Variants in CDR2 observed in about 807,000 individuals in gnomAD.
CDR2 encodes cerebellar degeneration-related protein 2.
CDR2 carries 34 observed loss-of-function variants against 48.4 expected under a neutral mutation model. The observed-to-expected ratio is 0.70, with a 90% CI of 0.53 to 0.94. The LOEUF is 0.94. CDR2 is among the 40% of genes least tolerant of loss of function. The pLI, the probability that CDR2 is intolerant of heterozygous loss-of-function variation, is 0.00. For synonymous variants in CDR2, 240 were observed against 219.7 expected, an observed-to-expected ratio of 1.09 and a Z score of -0.82; for missense variants, 498 against 549.5, an observed-to-expected ratio of 0.91 and a Z score of 0.94.
chr16:22,356,067 C>T (rs1454375887), intron 2 of CDR2, among the ~76,000 whole-genome samples: 1 of 152,196 alleles, frequency 6.6e-6, no homozygotes. Context: ...ACATTCATCA[C>T]TATTTGAAAT....
At position 22,347,150 on chromosome 16, in the gene CDR2, C is replaced by T. The variant is rs1402684969; in HGVS notation, c.1180G>A (p.Ala394Thr). The T allele has an allele frequency of 5.6e-6, 9 of 1,614,194 alleles. No individual in the cohort carries two copies. Among genetic ancestry groups the T allele is most frequent in the Non-Finnish European group, 7.6e-6 (9 of 1,179,988 alleles). The change falls in exon 5 of 5, where the codon GCC (alanine) becomes ACC (threonine). Residue 394 changes from alanine (A) to threonine (T), a missense_variant. Ala to Thr is a moderately conservative substitution (Grantham distance 58). Coordinates refer to ENST00000268383, the MANE Select transcript of CDR2 (RefSeq NM_001802.2). ...CCGCTGGCAACAGGCTCAGACTGGGCGTTCACTCCAGTCAGGTCCTTGGCT... is the reference window on the plus strand; with the variant it reads ...CCGCTGGCAACAGGCTCAGACTGGGTGTTCACTCCAGTCAGGTCCTTGGCT... Reference protein sequence around the residue: ...AAAKDLTGVNAQSEPVASGWE... With the variant: ...AAAKDLTGVNTQSEPVASGWE...
intron 2 of CDR2, among the ~76,000 whole-genome samples, chr16:22,358,008 C>T (rs191997929): frequency 1.4e-3 from 217 of 152,294 alleles, no homozygotes; most frequent in African/African-American, 4.7e-3. Flanking sequence ...CCCTTCACTT[C>T]TCCAAGATTC....
intron 1 of CDR2, among the ~76,000 whole-genome samples, chr16:22,370,778 T>C (rs1379786770): frequency 2.0e-5 from 3 of 152,218 alleles, no homozygotes; most frequent in Admixed American, 6.5e-5. Context: ...TTACTGAGGT[T>C]AGAAATTTCC....
At chr16:22,366,095 T>G (rs1010497886) in intron 1 of CDR2, among the ~76,000 whole-genome samples, 3 of 152,230 alleles carry the variant, frequency 2.0e-5, no homozygotes, top group Non-Finnish European at 4.4e-5. Context: ...AAATGAATGT[T>G]TTTGTTGCCA....
At chr16:22,370,780 G>C (rs1468275114) in intron 1 of CDR2, among the ~76,000 whole-genome samples, 1 of 152,184 alleles carries the variant, frequency 6.6e-6, no homozygotes, top group Non-Finnish European at 1.5e-5. Flanking sequence ...ACTGAGGTTA[G>C]AAATTTCCAG....
chr16:22,374,351 CCG>C lies in CDR2; in HGVS notation c.-44_-43del. The C allele has an allele frequency of 2.1e-6, 3 of 1,402,446 alleles. No homozygotes were observed. The highest frequency in any genetic ancestry group is 3.0e-6 in the Non-Finnish European group (3 of 1,007,614). 86.9% of individuals were successfully genotyped at this position (1,402,446 alleles called of 1,614,324 possible). A position where few individuals can be genotyped will look rare whatever the true frequency, so the allele number is the denominator to read the frequency against. On this transcript the variant is annotated 5_prime_UTR_variant, in exon 1 of 5. Coordinates refer to ENST00000268383, the MANE Select transcript of CDR2 (RefSeq NM_001802.2). ...AGGGGCAGCGGCCCCCGCCGCCGTC[CCG>C]CCTCAGCCGCTGCCCCGGGCTCTTC...
intron 1 of CDR2, among the ~76,000 whole-genome samples, chr16:22,373,843 G>A (rs1044578533): frequency 1.3e-5 from 2 of 152,232 alleles, no homozygotes; most frequent in African/African-American, 4.8e-5. Context: ...GAAAGGCGCT[G>A]GGCTAGACAG....
At chr16:22,364,145 G>A (rs552229362) in intron 2 of CDR2, among the ~76,000 whole-genome samples, 22 of 151,978 alleles carry the variant, frequency 1.4e-4, no homozygotes, top group East Asian at 5.8e-4. Flanking sequence ...GTTTTACCAC[G>A]TTGCCCAGGC....
intron 1 of CDR2, 36 bp downstream of exon 1, chr16:22,374,195 G>GGCC (rs759874301): frequency 1.4e-6 from 2 of 1,469,244 alleles, no homozygotes; most frequent in African/African-American, 1.5e-5. Flanking sequence ...TCCCGGGCCA[G>GGCC]GCCGCCGCCC....
chr16:22,361,040 C>T (rs916170643), intron 2 of CDR2, among the ~76,000 whole-genome samples: 5 of 152,128 alleles, frequency 3.3e-5, no homozygotes, highest in African/African-American at 7.2e-5. Flanking sequence ...TGAGCCACTG[C>T]GCCAAGCTGT....
chr16:22,356,024 C>T (rs2048972224), intron 2 of CDR2, among the ~76,000 whole-genome samples: 1 of 152,144 alleles, frequency 6.6e-6, no homozygotes, highest in Non-Finnish European at 1.5e-5. Flanking sequence ...TTTCATATTG[C>T]ACTATAGTTG....
At chr16:22,371,153 G>C (rs994420277) in intron 1 of CDR2, among the ~76,000 whole-genome samples, 2 of 152,016 alleles carry the variant, frequency 1.3e-5, no homozygotes, top group East Asian at 3.9e-4. Context: ...GGAGATTGCA[G>C]TGAGCCAAGA....
At chr16:22,354,013 C>T (rs1295788251) in intron 2 of CDR2, among the ~76,000 whole-genome samples, 2 of 152,122 alleles carry the variant, frequency 1.3e-5, no homozygotes, top group African/African-American at 2.4e-5. Context: ...TGGTAAATTG[C>T]TCAATAAGGA....
At chr16:22,360,737 ATCTTT>A (rs2049005297) in intron 2 of CDR2, among the ~76,000 whole-genome samples, 1 of 104,360 alleles carries the variant, frequency 9.6e-6, no homozygotes, top group East Asian at 2.7e-4. Context: ...TAAAAAAATG[ATCTTT>A]TTTTTTTTTT....
intron 1 of CDR2, among the ~76,000 whole-genome samples, chr16:22,367,355 T>C (rs188139283): frequency 2.6e-5 from 4 of 152,268 alleles, no homozygotes; most frequent in Admixed American, 2.6e-4. Flanking sequence ...AGGGAGGTCA[T>C]AAGGAAGGTC....
At chr16:22,350,676 T>G (rs1242648992) in intron 2 of CDR2, among the ~76,000 whole-genome samples, 1 of 152,214 alleles carries the variant, frequency 6.6e-6, no homozygotes, top group Non-Finnish European at 1.5e-5. Context: ...GTCCTTTATA[T>G]GCTTAGCTCC....
At chr16:22,356,906 A>G (rs1464996703) in intron 2 of CDR2, among the ~76,000 whole-genome samples, 1 of 144,970 alleles carries the variant, frequency 6.9e-6, no homozygotes, top group Non-Finnish European at 1.5e-5. Flanking sequence ...ATGCCACTGC[A>G]CTCCAACCTC....
At position 22,346,977 on chromosome 16, in the gene CDR2, GGA is replaced by G. The variant is rs747201865; in HGVS notation, c.1351_1352del (p.Ser451LeufsTer29). ...DEQRTKYRSL[S>X]SHS ...GCTAGAGGTTCAATTAAGAATGAGA[GGA>G]GAGTGATCGGTATTTTGTTCTCTGT... is the stretch of plus-strand genomic sequence containing the variant. On this transcript the variant is annotated frameshift_variant, in exon 5 of 5. Coordinates refer to ENST00000268383, the MANE Select transcript of CDR2 (RefSeq NM_001802.2). LOFTEE classifies it high-confidence loss of function. 6.2e-7 allele frequency: 1 copy of G among 1,609,924 alleles called. No homozygotes were observed. The highest frequency in any genetic ancestry group is 8.5e-7 in the Non-Finnish European group (1 of 1,176,404).
rs181198809 is a variant in CDR2 at position 22,359,062 on chromosome 16, G to C, written c.192+5840C>G. 2.0e-4 allele frequency among the ~76,000 whole-genome samples: 31 copies of C among 152,244 alleles called. 1 individual carries two copies. The highest frequency in any genetic ancestry group is 2.9e-5 in the Non-Finnish European group (2 of 68,010). The stretch of plus-strand genomic sequence containing the variant: ...TGTATGCTTGTATCAAAACGTCACA[G>C]GCGCCCCAGATATATGTAAAGCTGT... On this transcript the variant is annotated intron_variant, in intron 2 of 4. Transcript: ENST00000268383.
Sources: gnomAD v4.1 joint callset for allele counts (sites outside exome capture counted in the v4.1 genomes callset) on GRCh38, gnomAD v4.1.1 for gene constraint, MANE v1.5 for transcripts, NCBI Gene and HGNC (gene_info 2026-07-23, HGNC 2026-07-21) for gene names.